PTPN13: variants seen among roughly 807,000 people sequenced by gnomAD.
PTPN13 encodes protein tyrosine phosphatase non-receptor type 13, also known as tyrosine-protein phosphatase non-receptor type 13.
Under a neutral mutation model 284.0 loss-of-function variants are expected in PTPN13, and 191 were observed. The ratio of observed to expected loss-of-function variants is 0.67; its 90% CI spans 0.60 to 0.76. The LOEUF (loss-of-function observed/expected upper bound fraction) is 0.76. Among genes scored for constraint, PTPN13 ranks in the 30% least tolerant of loss-of-function variants. The pLI is 0.00. For missense variants in PTPN13, 2,797 were observed against 2,939.9 expected (o/e 0.95, Z 1.12); for synonymous variants, 986 against 1,022.3 (o/e 0.96, Z 0.68).
Position 86,680,347 on chromosome 4 carries a change from C to CTCTATCTATCTA in PTPN13, c.295-6319_295-6308dup, listed in dbSNP as rs56694637. ...ATGTCACATTTTCCTTTCTATCTAT[C>CTCTATCTATCTA]TCTATCTATCTATCTATCTATCTAT... On this transcript the variant is annotated intron_variant, in intron 3 of 47. Coordinates refer to ENST00000411767, the MANE Select transcript of PTPN13 (RefSeq NM_080683.3). Among the ~76,000 whole-genome samples, 474 of 142,646 alleles carry CTCTATCTATCTA rather than the reference C, an allele frequency of 3.3e-3. 1 individual carries two copies. Among genetic ancestry groups the CTCTATCTATCTA allele is most frequent in the Non-Finnish European group, 3.7e-3 (245 of 65,376 alleles). The allele number at this position is 142,646 out of a possible 152,430, so 93.6% of individuals were successfully genotyped here. A position where few individuals can be genotyped will look rare whatever the true frequency, so the allele number is the denominator to read the frequency against.
At chr4:86,696,698 T>C (rs936426482) in intron 6 of PTPN13, among the ~76,000 whole-genome samples, 13 of 152,038 alleles carry the variant, frequency 8.6e-5, no homozygotes, top group Admixed American at 4.6e-4. Context: ...AAGTAGATTG[T>C]TTGTTGATTT....
chr4:86,712,123 C>T (rs367922107), intron 7 of PTPN13, among the ~76,000 whole-genome samples: 27 of 151,772 alleles, frequency 1.8e-4, no homozygotes, highest in Non-Finnish European at 2.9e-4. Flanking sequence ...GAAAATCACC[C>T]GATTAATACC....
intron 39 of PTPN13, 51 bp downstream of exon 39, chr4:86,785,419 T>G: frequency 6.7e-7 from 1 of 1,501,758 alleles, no homozygotes; most frequent in South Asian, 1.3e-5. Flanking sequence ...CAAAAACGTC[T>G]CTAGGGAGCA....
chr4:86,643,448 A>G (rs1578321010), intron 2 of PTPN13, among the ~76,000 whole-genome samples: 11 of 152,168 alleles, frequency 7.2e-5, no homozygotes. Flanking sequence ...AAGCTAAGAC[A>G]AATATCAAAT....
At position 86,771,354 on chromosome 4, in the gene PTPN13, T is replaced by G. The variant is rs1210701745; in HGVS notation, c.4987T>G (p.Leu1663Val). ...SDSSGSGEDDLVTAPANISNS... is the reference protein window; with the variant it reads ...SDSSGSGEDDVVTAPANISNS... ...CAGCAGTGGGAGTGGAGAAGATGAC[T>G]TAGTGACAGCTCCAGCAAACATATC... is the stretch of plus-strand genomic sequence containing the variant. The change falls in exon 31 of 48, where the codon TTA (leucine) becomes GTA (valine). Residue 1663 changes from leucine (L) to valine (V), a missense_variant. Coordinates refer to ENST00000411767, the MANE Select transcript of PTPN13 (RefSeq NM_080683.3). 1 of 1,587,150 alleles carries G rather than the reference T, an allele frequency of 6.3e-7. No homozygotes were observed. Among genetic ancestry groups the G allele is most frequent in the Non-Finnish European group, 8.6e-7 (1 of 1,166,346 alleles).
At chr4:86,675,905 C>T (rs1051639665) in intron 3 of PTPN13, among the ~76,000 whole-genome samples, 1 of 152,090 alleles carries the variant, frequency 6.6e-6, no homozygotes, top group African/African-American at 2.4e-5. Flanking sequence ...TTGATGTGCA[C>T]CAGAGATTTG....
chr4:86,809,590 A>C (rs10013878), intron 45 of PTPN13, among the ~76,000 whole-genome samples, 179 bp from the exon 46 acceptor site: 14,455 of 152,136 alleles, frequency 0.095, 798 homozygotes, highest in Non-Finnish European at 0.11. Flanking sequence ...CCCAGCTACT[A>C]TGAGGCAGGA....
intron 2 of PTPN13, chr4:86,661,119 A>G (rs1455915719): frequency 2.2e-6 from 1 of 454,104 alleles, no homozygotes; most frequent in Admixed American, 2.4e-5. Flanking sequence ...TTCAGCACCT[A>G]GAAGTCTCCC....
At chr4:86,770,963 A>C (rs571812767) in intron 30 of PTPN13, among the ~76,000 whole-genome samples, 132 of 152,324 alleles carry the variant, frequency 8.7e-4, no homozygotes, top group African/African-American at 3.1e-3. Flanking sequence ...AAAATATATA[A>C]TACTACTGTA....
intron 23 of PTPN13, among the ~76,000 whole-genome samples, chr4:86,759,293 G>T (rs1391384529): frequency 6.6e-6 from 1 of 152,092 alleles, no homozygotes; most frequent in Non-Finnish European, 1.5e-5. Context: ...ATAAAGTCCT[G>T]TCCTGAACCA....
At chr4:86,782,043 C>G (rs1466500458) in intron 36 of PTPN13, among the ~76,000 whole-genome samples, 158 bp from the exon 37 acceptor site, 1 of 151,414 alleles carries the variant, frequency 6.6e-6, no homozygotes, top group African/African-American at 2.4e-5. Flanking sequence ...AAATATTATT[C>G]CATTTATTTG....
intron 2 of PTPN13, among the ~76,000 whole-genome samples, chr4:86,656,567 C>T (rs1396623951): frequency 6.6e-6 from 1 of 152,066 alleles, no homozygotes; most frequent in Non-Finnish European, 1.5e-5. Flanking sequence ...AATGTTGCTG[C>T]CTGATCGTTC....
At chr4:86,775,890 A>G (rs565053433) in intron 35 of PTPN13, among the ~76,000 whole-genome samples, 36 of 152,320 alleles carry the variant, frequency 2.4e-4, no homozygotes, top group Non-Finnish European at 3.8e-4. Context: ...ATAGAAAATA[A>G]AACTCAACTT....
intron 20 of PTPN13, 56 bp downstream of exon 20, chr4:86,753,121 G>C: frequency 1.5e-6 from 2 of 1,356,840 alleles, no homozygotes; most frequent in Non-Finnish European, 2.1e-6. Context: ...ACCTTACTGA[G>C]ATAGTCTTGG....
At chr4:86,782,292 A>G in intron 37 of PTPN13, 30 bp downstream of exon 37, 1 of 1,530,214 alleles carries the variant, frequency 6.5e-7, no homozygotes. Context: ...CTTTCATGTC[A>G]TACCTCCTTA....
At chr4:86,737,366 GGCCT>G (rs1735642616) in intron 15 of PTPN13, among the ~76,000 whole-genome samples, 1 of 151,940 alleles carries the variant, frequency 6.6e-6, no homozygotes, top group Non-Finnish European at 1.5e-5. Context: ...AGCAAACTGT[GGCCT>G]GCCTGTTTTG....
intron 35 of PTPN13, among the ~76,000 whole-genome samples, chr4:86,779,374 G>A (rs1331365947): frequency 2.7e-5 from 4 of 149,368 alleles, no homozygotes; most frequent in African/African-American, 5.0e-5. Flanking sequence ...CCGAGATAGC[G>A]CCACTGCACT....
intron 2 of PTPN13, among the ~76,000 whole-genome samples, chr4:86,655,765 T>C (rs897710038): frequency 6.6e-6 from 1 of 152,178 alleles, no homozygotes; most frequent in Non-Finnish European, 1.5e-5. Flanking sequence ...ATTCTCTGTA[T>C]TTCCTGAATT....
intron 39 of PTPN13, 48 bp downstream of exon 39, chr4:86,785,416 G>A (rs368795550): frequency 4.2e-5 from 63 of 1,511,646 alleles, no homozygotes; most frequent in Middle Eastern, 3.4e-4. Context: ...GTACAAAAAC[G>A]TCTCTAGGGA....
Sources: gnomAD v4.1 joint callset for allele counts (sites outside exome capture counted in the v4.1 genomes callset) on GRCh38, gnomAD v4.1.1 for gene constraint, MANE v1.5 for transcripts, NCBI Gene and HGNC (gene_info 2026-07-23, HGNC 2026-07-21) for gene names.